NLGN1: variants seen among roughly 807,000 people sequenced by gnomAD.
NLGN1 encodes neuroligin-1.
NLGN1 carries 12 observed loss-of-function variants against 65.5 expected under a neutral mutation model. The ratio of observed to expected loss-of-function variants is 0.18; its 90% CI spans 0.12 to 0.30. The LOEUF is 0.30. Among genes scored for constraint, NLGN1 ranks in the 10% least tolerant of loss-of-function variants. The probability of loss-of-function intolerance (pLI) is 1.00; values close to 1 mark genes in which losing one functional copy is unlikely to be tolerated. For synonymous variants in NLGN1, 350 were observed against 359.5 expected (o/e 0.97, Z 0.30); for missense variants, 750 against 1,007.1 (o/e 0.74, Z 3.46).
At chr3:173,908,277 G>A (rs1738869926) in intron 4 of NLGN1, among the ~76,000 whole-genome samples, 1 of 152,146 alleles carries the variant, frequency 6.6e-6, no homozygotes, top group Non-Finnish European at 1.5e-5. Context: ...CACCTGGGGA[G>A]TTTTTGCAAC....
At chr3:173,539,970 A>C (rs1738551180) in intron 2 of NLGN1, among the ~76,000 whole-genome samples, 1 of 150,292 alleles carries the variant, frequency 6.7e-6, no homozygotes, top group Non-Finnish European at 1.5e-5. Context: ...AGTGCTGTTG[A>C]GTAGGGCAAC....
intron 3 of NLGN1, among the ~76,000 whole-genome samples, chr3:173,689,302 A>G (rs973311240): frequency 7.2e-5 from 11 of 152,152 alleles, no homozygotes; most frequent in African/African-American, 2.7e-4. Flanking sequence ...TCTTGTCACA[A>G]GACTGTGTGA....
chr3:174,229,822 G>A (rs1379088298), intron 4 of NLGN1, among the ~76,000 whole-genome samples: 1 of 152,080 alleles, frequency 6.6e-6, no homozygotes, highest in Non-Finnish European at 1.5e-5. Context: ...CAATTTCTTA[G>A]CCTTGTTTTA....
chr3:174,088,387 G>T (rs555854369), intron 4 of NLGN1, among the ~76,000 whole-genome samples: 2 of 152,084 alleles, frequency 1.3e-5, no homozygotes, highest in Non-Finnish European at 2.9e-5. Context: ...CTTTATTGCC[G>T]CAATTGAGGG....
intron 2 of NLGN1, among the ~76,000 whole-genome samples, chr3:173,482,210 T>C (rs967049934): frequency 2.6e-5 from 4 of 151,896 alleles, no homozygotes; most frequent in African/African-American, 9.7e-5. Context: ...TAGATTACAG[T>C]CATCTGTATA....
At chr3:174,105,615 A>T (rs1267016764) in intron 4 of NLGN1, among the ~76,000 whole-genome samples, 4 of 149,020 alleles carry the variant, frequency 2.7e-5, no homozygotes, top group African/African-American at 1.0e-4. Flanking sequence ...GTGACACCAG[A>T]TCATGTTTAT....
intron 4 of NLGN1, among the ~76,000 whole-genome samples, chr3:174,079,373 T>C (rs1224761516): frequency 6.6e-6 from 1 of 151,774 alleles, no homozygotes; most frequent in African/African-American, 2.4e-5. Context: ...GTTAAAGAAA[T>C]TTAAAAGTCA....
At chr3:173,794,614 G>A (rs1713596045) in intron 3 of NLGN1, among the ~76,000 whole-genome samples, 1 of 152,092 alleles carries the variant, frequency 6.6e-6, no homozygotes, top group Non-Finnish European at 1.5e-5. Context: ...CATTTCTCCA[G>A]AATAAAAGGA....
chr3:173,592,633 A>G (rs1181357787), intron 2 of NLGN1, among the ~76,000 whole-genome samples: 1 of 152,218 alleles, frequency 6.6e-6, no homozygotes, highest in African/African-American at 2.4e-5. Context: ...TGGATAAATA[A>G]AATCTGAGGG....
intron 2 of NLGN1, among the ~76,000 whole-genome samples, chr3:173,516,618 A>G (rs1733859008): frequency 1.3e-5 from 2 of 152,150 alleles, no homozygotes; most frequent in African/African-American, 2.4e-5. Flanking sequence ...TGCCCCCTCT[A>G]AAACCCTTCA....
upstream of NLGN1, among the ~76,000 whole-genome samples, chr3:173,396,984 A>C (rs73046079): frequency 0.015 from 2,260 of 152,284 alleles, 47 homozygotes; most frequent in African/African-American, 0.052. Context: ...GTCCTTTATA[A>C]AAAATAATGC....
At chr3:173,583,639 A>C (rs1746755792) in intron 2 of NLGN1, among the ~76,000 whole-genome samples, 1 of 152,200 alleles carries the variant, frequency 6.6e-6, no homozygotes, top group African/African-American at 2.4e-5. Context: ...GTGTGATTAG[A>C]GCGCTTGGGA....
intron 4 of NLGN1, among the ~76,000 whole-genome samples, chr3:173,898,527 T>C (rs1736735335): frequency 1.3e-5 from 2 of 152,198 alleles, no homozygotes; most frequent in African/African-American, 4.8e-5. Context: ...GACCTGGTAT[T>C]AAGCATTAAC....
At chr3:173,830,774 A>T (rs964698588) in intron 4 of NLGN1, among the ~76,000 whole-genome samples, 2 of 152,236 alleles carry the variant, frequency 1.3e-5, no homozygotes, top group Non-Finnish European at 2.9e-5. Flanking sequence ...ATGATGAATT[A>T]ACTGTCATAT....
At chr3:173,409,482 A>G (rs1712049969) in intron 1 of NLGN1, among the ~76,000 whole-genome samples, 1 of 152,154 alleles carries the variant, frequency 6.6e-6, no homozygotes, top group South Asian at 2.1e-4. Flanking sequence ...CCCCCAGGAA[A>G]ATAAATCTAG....
At chr3:173,479,684 A>G (rs1560312483) in intron 2 of NLGN1, among the ~76,000 whole-genome samples, 1 of 152,154 alleles carries the variant, frequency 6.6e-6, no homozygotes, top group Non-Finnish European at 1.5e-5. Flanking sequence ...GTGAAAAACC[A>G]TTATAGAGAC....
intron 2 of NLGN1, among the ~76,000 whole-genome samples, chr3:173,526,490 T>G (rs1735664626): frequency 6.6e-6 from 1 of 152,178 alleles, no homozygotes; most frequent in Non-Finnish European, 1.5e-5. Context: ...ATATTAGGTG[T>G]ACATATTTAT....
intron 4 of NLGN1, among the ~76,000 whole-genome samples, chr3:174,174,677 T>A (rs545556140): frequency 6.6e-6 from 1 of 152,130 alleles, no homozygotes; most frequent in African/African-American, 2.4e-5. Flanking sequence ...GGGATTGTTT[T>A]TTTCTTGCTA....
At chr3:173,886,355 C>T (rs182915569) in intron 4 of NLGN1, among the ~76,000 whole-genome samples, 42 of 152,144 alleles carry the variant, frequency 2.8e-4, no homozygotes, top group Non-Finnish European at 8.8e-5. Flanking sequence ...TACATGAACA[C>T]TGCCTTTCAA....
Sources: gnomAD v4.1 joint callset for allele counts (sites outside exome capture counted in the v4.1 genomes callset) on GRCh38, gnomAD v4.1.1 for gene constraint, MANE v1.5 for transcripts, NCBI Gene and HGNC (gene_info 2026-07-23, HGNC 2026-07-21) for gene names.